The following ZNF892 variants were observed in gnomAD, a reference collection of about 807,000 sequenced individuals.
The protein encoded by ZNF892 is zinc finger protein 892.
chr2:95,221,957 C>T, the ZNF892 span, among the ~76,000 whole-genome samples: 1 of 152,142 alleles, frequency 6.6e-6, no homozygotes, highest in African/African-American at 2.4e-5. Context: ...CTATCTTCCT[C>T]CTTCTCCTTT....
At chr2:95,220,865 G>T in the ZNF892 span, among the ~76,000 whole-genome samples, 7 of 152,262 alleles carry the variant, frequency 4.6e-5, no homozygotes, top group Middle Eastern at 3.4e-3. Context: ...AAACTATAGG[G>T]TTACATTTTT....
the ZNF892 span, chr2:95,215,558 T>A: frequency 2.5e-6 from 1 of 405,286 alleles, no homozygotes; most frequent in African/African-American, 2.1e-5. Context: ...AAGCTCTTAG[T>A]GAGCATTTAA....
chr2:95,260,116 C>CT, the ZNF892 span, among the ~76,000 whole-genome samples: 1 of 152,214 alleles, frequency 6.6e-6, no homozygotes, highest in Non-Finnish European at 1.5e-5. Context: ...ACCAAGGCTC[C>CT]TTTTTCCAGC....
the ZNF892 span, among the ~76,000 whole-genome samples, chr2:95,258,188 T>A: frequency 9.2e-5 from 14 of 152,302 alleles, no homozygotes; most frequent in South Asian, 6.2e-4. Context: ...CTGGAGCTGT[T>A]CCTATTTGGC....
chr2:95,249,221 ATATATATATATTTTTTTT>A, the ZNF892 span, among the ~76,000 whole-genome samples: 2 of 63,444 alleles, frequency 3.2e-5, no homozygotes, highest in African/African-American at 9.2e-5. Flanking sequence ...ATATATATAT[ATATATATATATTTTTTTT>A]TTTTTTTTTT....
At chr2:95,212,521 A>G in the ZNF892 span, among the ~76,000 whole-genome samples, 7 of 152,252 alleles carry the variant, frequency 4.6e-5, no homozygotes, top group Admixed American at 3.9e-4. Context: ...GTAAAATGAA[A>G]CCAACATTTT....
chr2:95,239,944 A>T, the ZNF892 span, among the ~76,000 whole-genome samples: 1 of 152,172 alleles, frequency 6.6e-6, no homozygotes. Context: ...GGATAGTTTA[A>T]ACATAACTTA....
the ZNF892 span, among the ~76,000 whole-genome samples, chr2:95,246,831 A>C: frequency 6.6e-6 from 1 of 152,172 alleles, no homozygotes; most frequent in African/African-American, 2.4e-5. Context: ...CAAGAACTAC[A>C]AACCACTGTT....
At chr2:95,223,753 G>A in the ZNF892 span, among the ~76,000 whole-genome samples, 1 of 152,152 alleles carries the variant, frequency 6.6e-6, no homozygotes, top group African/African-American at 2.4e-5. Flanking sequence ...CATTTAAAAT[G>A]TACAATTCAG....
the ZNF892 span, chr2:95,208,867 G>A: frequency 2.8e-5 from 11 of 395,332 alleles, no homozygotes; most frequent in Non-Finnish European, 4.0e-5. Flanking sequence ...GATGACTGAT[G>A]ACCCCAAAGG....
the ZNF892 span, among the ~76,000 whole-genome samples, chr2:95,218,059 C>T: frequency 6.6e-6 from 1 of 152,172 alleles, no homozygotes. Context: ...TTTCTGTCCC[C>T]TTTAGTGCCA....
chr2:95,226,718 G>A, the ZNF892 span, among the ~76,000 whole-genome samples: 1 of 152,134 alleles, frequency 6.6e-6, no homozygotes, highest in Non-Finnish European at 1.5e-5. Flanking sequence ...ACTCACTAAG[G>A]GAAGAACACC....
chr2:95,218,408 A>G, the ZNF892 span, among the ~76,000 whole-genome samples: 1 of 152,350 alleles, frequency 6.6e-6, no homozygotes, highest in South Asian at 2.1e-4. Context: ...AGAAAACACT[A>G]GAACAGTTCA....
chr2:95,256,008 G>A, the ZNF892 span, among the ~76,000 whole-genome samples: 33 of 152,232 alleles, frequency 2.2e-4, no homozygotes, highest in Admixed American at 6.5e-4. Context: ...AATACAGCAC[G>A]CTGATGGGTC....
the ZNF892 span, chr2:95,207,534 G>A: frequency 8.8e-6 from 3 of 341,218 alleles, no homozygotes; most frequent in Non-Finnish European, 1.6e-5. Flanking sequence ...TCGGCCTCAT[G>A]GTTGGCCGGC....
chr2:95,213,010 G>A, the ZNF892 span, among the ~76,000 whole-genome samples: 2 of 152,224 alleles, frequency 1.3e-5, no homozygotes, highest in South Asian at 4.1e-4. Context: ...GCAAAAGACT[G>A]TTGGCTAATT....
chr2:95,254,812 G>C, the ZNF892 span, among the ~76,000 whole-genome samples: 3 of 152,178 alleles, frequency 2.0e-5, no homozygotes, highest in Non-Finnish European at 4.4e-5. Context: ...AGACTTGGGA[G>C]GGTGTATGTG....
the ZNF892 span, among the ~76,000 whole-genome samples, chr2:95,217,534 C>T: frequency 6.6e-6 from 1 of 152,218 alleles, no homozygotes; most frequent in African/African-American, 2.4e-5. Context: ...AATTACTCTG[C>T]AGCTGTGAAC....
At chr2:95,214,900 G>A in the ZNF892 span, 4 of 504,302 alleles carry the variant, frequency 7.9e-6, no homozygotes, top group East Asian at 3.1e-5. Context: ...TTCAGTCACC[G>A]CTCAGCCCTT....
Sources: gnomAD v4.1 joint callset for allele counts (sites outside exome capture counted in the v4.1 genomes callset) on GRCh38, gnomAD v4.1.1 for gene constraint, MANE v1.5 for transcripts, NCBI Gene and HGNC (gene_info 2026-07-23, HGNC 2026-07-21) for gene names.